CCDC197: variants seen among roughly 807,000 people sequenced by gnomAD.
CCDC197 encodes the protein coiled-coil domain containing 197.
A neutral mutation model predicts 13.4 loss-of-function variants in CCDC197; 24 were observed. The ratio of observed to expected loss-of-function variants is 1.80; its 90% CI spans 1.30 to 2.53. CCDC197 has a LOEUF of 2.53. CCDC197 is among the 30% of genes most tolerant of loss of function. The pLI, the probability that CCDC197 is intolerant of heterozygous loss-of-function variation, is 0.00. For missense variants in CCDC197, 255 were observed against 148.8 expected (o/e 1.71, Z -3.71); for synonymous variants, 99 against 55.5 (o/e 1.78, Z -3.48).
chr14:94,009,767 C>T (rs1415998669), downstream of CCDC197, among the ~76,000 whole-genome samples: 5 of 152,180 alleles, frequency 3.3e-5, no homozygotes, highest in Non-Finnish European at 7.4e-5. Flanking sequence ...ATATTTAAGC[C>T]TCCCACTCCA....
downstream of CCDC197, among the ~76,000 whole-genome samples, chr14:94,010,687 T>C (rs886179622): frequency 6.6e-6 from 1 of 152,128 alleles, no homozygotes; most frequent in Non-Finnish European, 1.5e-5. Flanking sequence ...GGCTGGAGCA[T>C]GCGGAACCCC....
At chr14:93,995,260 C>G (rs1396249676), upstream of CCDC197, among the ~76,000 whole-genome samples, 1 of 152,166 alleles carries the variant, frequency 6.6e-6, no homozygotes. Flanking sequence ...AGCTTCGGCT[C>G]TCACCCTGTG....
chr14:94,001,496 C>T (rs1048311539), intron 4 of CCDC197, 173 bp downstream of exon 4: 1 of 537,366 alleles, frequency 1.9e-6, no homozygotes, highest in African/African-American at 1.9e-5. Flanking sequence ...CTTCCTCTCC[C>T]CTCTGCTGCC....
In CCDC197 at chr14:94,004,924, G is replaced by A. The variant is rs1015744294; in HGVS notation, c.568G>A (p.Gly190Ser). The stretch of plus-strand genomic sequence containing the variant: ...CCGGCAGTGCTGCCCCTCTGCCCAC[G>A]GCGTGCCCAAGAGCATGGATCTCTT... ...MARQCCPSAH[G>S]VPKSMDLFSK... Residue 190 changes from glycine (G) to serine (S), a missense_variant, in exon 6 of 7, where the codon GGC (glycine) becomes AGC (serine). Gly to Ser is a moderately conservative substitution (Grantham distance 56). Coordinates refer to ENST00000636493, the MANE Select transcript of CCDC197 (RefSeq NM_001351596.2). The A allele has an allele frequency of 8.5e-6, 6 of 702,886 alleles. No homozygotes were observed. The East Asian group carries it at 1.3e-4, about 16-fold the overall frequency. The allele number at this position is 702,886 out of a possible 1,614,324, so 43.5% of individuals were successfully genotyped here.
At chr14:93,992,333 G>A (rs1019227746), upstream of CCDC197, among the ~76,000 whole-genome samples, 2 of 152,172 alleles carry the variant, frequency 1.3e-5, no homozygotes, top group Non-Finnish European at 2.9e-5. Context: ...GACTTTGGAG[G>A]CAGAGCTCAC....
Position 93,997,540 on chromosome 14 carries a change from A to G in CCDC197, c.-165A>G, listed in dbSNP as rs1374433340. On this transcript the variant is annotated 5_prime_UTR_variant, in exon 1 of 7. Coordinates refer to ENST00000636493, the MANE Select transcript of CCDC197 (RefSeq NM_001351596.2). ...CCCAGCTTGACCATGAGCTTCTTCA[A>G]GGCATCTCTTCTCAGTCTCCACTGT... The G allele has an allele frequency of 6.6e-6, 1 of 152,012 alleles. No homozygotes were observed. Among genetic ancestry groups the G allele is most frequent in the East Asian group, 1.9e-4 (1 of 5,156 alleles). The allele number at this position is 152,012 out of a possible 1,614,324, so 9.4% of individuals were successfully genotyped here.
At chr14:94,001,112 C>T (rs1333748884) in intron 3 of CCDC197, 33 bp from the exon 4 acceptor site, 1 of 734,156 alleles carries the variant, frequency 1.4e-6, no homozygotes. Context: ...TGCAGGGGCA[C>T]CCACCCATCC....
upstream of CCDC197, among the ~76,000 whole-genome samples, chr14:93,995,072 C>T (rs1320553105): frequency 1.3e-5 from 2 of 152,136 alleles, no homozygotes; most frequent in African/African-American, 4.8e-5. Context: ...ATGAATGAAC[C>T]CCTGCATGGA....
intron 6 of CCDC197, among the ~76,000 whole-genome samples, chr14:94,006,564 C>A (rs1476094026): frequency 6.6e-6 from 1 of 152,038 alleles, no homozygotes; most frequent in Non-Finnish European, 1.5e-5. Context: ...ACCATGTTGG[C>A]CAGGCTGGTC....
chr14:94,000,130 G>C (rs1398773498), intron 3 of CCDC197, among the ~76,000 whole-genome samples: 1 of 152,114 alleles, frequency 6.6e-6, no homozygotes, highest in Non-Finnish European at 1.5e-5. Flanking sequence ...ATGAGTACTG[G>C]AAACTCATTG....
At chr14:93,988,172 G>A (rs1325958611) in intron 1 of CCDC197, among the ~76,000 whole-genome samples, 3 of 132,332 alleles carry the variant, frequency 2.3e-5, no homozygotes, top group African/African-American at 5.9e-5. Flanking sequence ...TTGGAGGAGG[G>A]GTGGGGCCAG....
chr14:93,999,183 T>C (rs1890413729), intron 2 of CCDC197, among the ~76,000 whole-genome samples: 1 of 152,100 alleles, frequency 6.6e-6, no homozygotes, highest in South Asian at 2.1e-4. Context: ...CTGCTGTAGA[T>C]GGGCAACCCG....
intron 1 of CCDC197, among the ~76,000 whole-genome samples, chr14:93,990,267 G>T (rs8011705): frequency 0.16 from 23,861 of 152,102 alleles, 3,370 homozygotes; most frequent in African/African-American, 0.38. Context: ...AATCCTGGGG[G>T]CTTCTTAGAT....
intron 6 of CCDC197, chr14:94,007,024 C>G (rs1315550092): frequency 6.6e-6 from 1 of 152,144 alleles, no homozygotes; most frequent in Admixed American, 6.5e-5. Flanking sequence ...CAGGGTTTCA[C>G]CAAGTTGGCC....
At chr14:93,996,552 C>G (rs1890315556), upstream of CCDC197, among the ~76,000 whole-genome samples, 1 of 152,216 alleles carries the variant, frequency 6.6e-6, no homozygotes, top group South Asian at 2.1e-4. Flanking sequence ...CATTCCTGGC[C>G]CCCACTCTGG....
At chr14:94,000,375 C>G (rs1178388211) in intron 3 of CCDC197, among the ~76,000 whole-genome samples, 1 of 152,178 alleles carries the variant, frequency 6.6e-6, no homozygotes, top group East Asian at 1.9e-4. Context: ...TCTGGTCCGT[C>G]TGACTTCATA....
rs950833103 is a variant in CCDC197, at chr14:94,003,336, C to T, written c.480C>T (p.His160=). 1 of 767,460 alleles carries T rather than the reference C, an allele frequency of 1.3e-6. No homozygotes were observed. Among genetic ancestry groups the T allele is most frequent in the East Asian group, 2.5e-5 (1 of 40,504 alleles). 47.5% of individuals were successfully genotyped at this position (767,460 alleles called of 1,614,324 possible). ...TYQKDIDFDT[H]TSSSYNDQLL... ...AGAAGGACATTGACTTTGACACACA[C>T]ACCAGCAGCAGCTATAATGTGAGTC... is the stretch of plus-strand genomic sequence containing the variant. Residue 160 remains histidine, a synonymous_variant, in exon 5 of 7, where the codon CAC becomes CAT. Transcript: ENST00000636493. The surrounding 1 kb of genome is among the most constrained non-coding windows in gnomAD (Gnocchi z 5.0).
intron 1 of CCDC197, among the ~76,000 whole-genome samples, chr14:93,988,842 G>C (rs1436963404): frequency 1.5e-5 from 2 of 135,712 alleles, no homozygotes; most frequent in Non-Finnish European, 3.2e-5. Flanking sequence ...GGGCATGGGA[G>C]GAGGGGATGG....
upstream of CCDC197, among the ~76,000 whole-genome samples, chr14:93,995,979 T>G (rs1415563404): frequency 6.6e-6 from 1 of 152,228 alleles, no homozygotes; most frequent in East Asian, 1.9e-4. Context: ...GCGCAGGATG[T>G]GCAAGCTGTT....
Sources: allele counts gnomAD v4.1 joint callset (sites outside exome capture counted in the v4.1 genomes callset), GRCh38; gene constraint gnomAD v4.1.1; non-coding constraint Gnocchi (gnomAD v3.1); transcripts MANE v1.5; gene names NCBI Gene and HGNC (gene_info 2026-07-23, HGNC 2026-07-21).